Variants in SRGAP1 observed in about 807,000 individuals in gnomAD.
SRGAP1 encodes SLIT-ROBO Rho GTPase-activating protein 1.
SRGAP1 carries 43 observed loss-of-function variants against 121.9 expected under a neutral mutation model. The observed-to-expected ratio is 0.35, with a 90% CI of 0.28 to 0.46. The LOEUF (loss-of-function observed/expected upper bound fraction) is 0.46. SRGAP1 is among the 20% of genes least tolerant of loss of function. The pLI, the probability that SRGAP1 is intolerant of heterozygous loss-of-function variation, is 1.00. For missense variants in SRGAP1, 1,102 were observed against 1,350.9 expected (o/e 0.82, Z 2.89); for synonymous variants, 447 against 485.4 (o/e 0.92, Z 1.04).
In SRGAP1 at chr12:63,927,939, T is replaced by C. The variant is rs552912543; in HGVS notation, c.68-56008T>C. Among the ~76,000 whole-genome samples, 454 of 152,262 alleles carry C rather than the reference T, an allele frequency of 3.0e-3. 3 individuals are homozygous for C. The highest frequency in any genetic ancestry group is 0.016 in the South Asian group (75 of 4,818). The stretch of plus-strand genomic sequence containing the variant: ...CGTGCATTCAATATGCTAGAATGCA[T>C]TGTGAATCTTCAAGTGAGTGGTATA... On this transcript the variant is annotated intron_variant, in intron 1 of 21. Coordinates refer to ENST00000355086, the MANE Select transcript of SRGAP1 (RefSeq NM_020762.4).
intron 1 of SRGAP1, among the ~76,000 whole-genome samples, chr12:63,954,259 G>T (rs1449965284): frequency 6.6e-6 from 1 of 152,158 alleles, no homozygotes; most frequent in Admixed American, 6.5e-5. Flanking sequence ...TCACAGAAAA[G>T]TTAACATTCT....
intron 3 of SRGAP1, among the ~76,000 whole-genome samples, chr12:64,001,004 C>T (rs985059434): frequency 6.6e-6 from 1 of 152,032 alleles, no homozygotes; most frequent in South Asian, 2.1e-4. Flanking sequence ...GAGAAAATAT[C>T]ACAATATGAA....
chr12:63,937,553 T>C (rs1242181110), intron 1 of SRGAP1, among the ~76,000 whole-genome samples: 1 of 152,240 alleles, frequency 6.6e-6, no homozygotes, highest in African/African-American at 2.4e-5. Flanking sequence ...GGTAGATTAA[T>C]TAAAGCAGGG....
At chr12:64,142,161 ATTCT>A in intron 21 of SRGAP1, 130 bp from the exon 22 acceptor site, 1 of 853,330 alleles carries the variant, frequency 1.2e-6, no homozygotes, top group Non-Finnish European at 1.8e-6. Context: ...ATGTTTACAT[ATTCT>A]GCAGACTATG....
At chr12:64,015,148 G>A (rs938761807) in intron 3 of SRGAP1, among the ~76,000 whole-genome samples, 3 of 152,168 alleles carry the variant, frequency 2.0e-5, no homozygotes, top group Admixed American at 6.5e-5. Flanking sequence ...TACCTGAAAC[G>A]TGGGTAGCTG....
chr12:64,116,113 C>T, intron 18 of SRGAP1: 1 of 477,040 alleles, frequency 2.1e-6, no homozygotes, highest in Non-Finnish European at 3.8e-6. Context: ...AAAAATTAGC[C>T]AGGCGTGGTG....
At chr12:64,118,528 C>G (rs148466519) in intron 18 of SRGAP1, among the ~76,000 whole-genome samples, 6 of 152,102 alleles carry the variant, frequency 3.9e-5, no homozygotes, top group African/African-American at 1.4e-4. Context: ...TCCCAAAGTG[C>G]TGAGATTATA....
chr12:64,056,570 GAGAA>G (rs1305218592), intron 6 of SRGAP1, among the ~76,000 whole-genome samples: 23 of 145,280 alleles, frequency 1.6e-4, no homozygotes, highest in East Asian at 1.4e-3. Flanking sequence ...AAAAAAAAGA[GAGAA>G]AGAAAGAAAA....
intron 1 of SRGAP1, among the ~76,000 whole-genome samples, chr12:63,890,177 CCT>C (rs1900530743): frequency 6.6e-6 from 1 of 152,192 alleles, no homozygotes. Flanking sequence ...TTAGCTCACA[CCT>C]CTCCCACTCA....
At chr12:63,947,261 T>A (rs2136357717) in intron 1 of SRGAP1, among the ~76,000 whole-genome samples, 1 of 152,322 alleles carries the variant, frequency 6.6e-6, no homozygotes, top group African/African-American at 2.4e-5. Context: ...CAGATGTCTA[T>A]GAGAGTTACA....
At position 63,961,347 on chromosome 12, in the gene SRGAP1, C is replaced by A. The variant is rs576851516; in HGVS notation, c.68-22600C>A. Among the ~76,000 whole-genome samples the A allele has an allele frequency of 2.0e-5, 3 of 152,316 alleles. No individual in the cohort carries two copies. In the South Asian group the frequency reaches 6.2e-4, roughly 32 times the overall value. On this transcript the variant is annotated intron_variant, in intron 1 of 21. Transcript: ENST00000355086. ...CTGCCCCTAATATTGGCTAGCATCTCCTCACATGGAATTCTGGAAGCCTCG... is the reference window on the plus strand; with the variant it reads ...CTGCCCCTAATATTGGCTAGCATCTACTCACATGGAATTCTGGAAGCCTCG...
Position 64,128,215 on chromosome 12 carries a change from A to G in SRGAP1, c.2880+15A>G. On this transcript the variant is annotated intron_variant, in intron 21 of 21. Transcript: ENST00000355086. ...CAATTGCTCAGGTACGATGCTTTTAATTACATATTGCATTTTAAGTACCTA... is the reference window on the plus strand; with the variant it reads ...CAATTGCTCAGGTACGATGCTTTTAGTTACATATTGCATTTTAAGTACCTA... The G allele has an allele frequency of 6.3e-7, 1 of 1,590,444 alleles. No homozygotes were observed.
intron 1 of SRGAP1, among the ~76,000 whole-genome samples, chr12:63,959,159 A>G (rs757082209): frequency 6.6e-6 from 1 of 152,200 alleles, no homozygotes; most frequent in Non-Finnish European, 1.5e-5. Context: ...AAAACCAGAT[A>G]CCATCTACCC....
chr12:64,107,944 G>A (rs924892638), intron 15 of SRGAP1, among the ~76,000 whole-genome samples: 2 of 152,126 alleles, frequency 1.3e-5, no homozygotes, highest in Non-Finnish European at 2.9e-5. Flanking sequence ...ACAGACTTGT[G>A]AAACAGACTT....
intron 4 of SRGAP1, among the ~76,000 whole-genome samples, chr12:64,023,555 A>G (rs2136475977): frequency 6.6e-6 from 1 of 152,268 alleles, no homozygotes; most frequent in Admixed American, 6.5e-5. Flanking sequence ...GGAGTTGACC[A>G]CTCTCAGTCA....
intron 1 of SRGAP1, among the ~76,000 whole-genome samples, chr12:63,918,584 T>C (rs1356388062): frequency 6.6e-6 from 1 of 152,136 alleles, no homozygotes; most frequent in Admixed American, 6.5e-5. Context: ...GCCCAGTTAA[T>C]TTGTGTATTT....
At chr12:64,075,454 A>C (rs939553352) in intron 8 of SRGAP1, among the ~76,000 whole-genome samples, 27 of 152,214 alleles carry the variant, frequency 1.8e-4, no homozygotes, top group Non-Finnish European at 3.1e-4. Flanking sequence ...ACAGTGCTGC[A>C]GGGATTTTGT....
chr12:63,867,951 T>C (rs988381138), intron 1 of SRGAP1, among the ~76,000 whole-genome samples: 1 of 146,100 alleles, frequency 6.8e-6, no homozygotes, highest in Non-Finnish European at 1.5e-5. Flanking sequence ...AGACTTCCTA[T>C]AACATTTGGC....
At chr12:64,050,521 C>G (rs1198627048) in intron 6 of SRGAP1, among the ~76,000 whole-genome samples, 1 of 152,098 alleles carries the variant, frequency 6.6e-6, no homozygotes, top group Non-Finnish European at 1.5e-5. Context: ...AGCATTCTAA[C>G]CTGCTTTTTA....
Sources: gnomAD v4.1 joint callset for allele counts (sites outside exome capture counted in the v4.1 genomes callset) on GRCh38, gnomAD v4.1.1 for gene constraint, MANE v1.5 for transcripts, NCBI Gene and HGNC (gene_info 2026-07-23, HGNC 2026-07-21) for gene names.